PLD5: variants seen among roughly 807,000 people sequenced by gnomAD.
PLD5 encodes inactive phospholipase D5.
A neutral mutation model predicts 61.1 loss-of-function variants in PLD5; 36 were observed. The observed-to-expected ratio is 0.59, with a 90% CI of 0.45 to 0.78. The LOEUF (loss-of-function observed/expected upper bound fraction) is 0.78. Among genes scored for constraint, PLD5 ranks in the 30% least tolerant of loss-of-function variants. The pLI is 0.00. For synonymous variants in PLD5, 243 were observed against 242.8 expected, an observed-to-expected ratio of 1.00 and a Z score of -0.01; for missense variants, 515 against 644.4, an observed-to-expected ratio of 0.80 and a Z score of 2.17.
At chr1:242,518,887 G>A (rs533739930) in intron 1 of PLD5, among the ~76,000 whole-genome samples, 4 of 152,108 alleles carry the variant, frequency 2.6e-5, no homozygotes, top group Non-Finnish European at 5.9e-5. Flanking sequence ...GATATATGTC[G>A]ACTGTAGTGG....
At chr1:242,204,175 G>A (rs1332515957) in intron 5 of PLD5, among the ~76,000 whole-genome samples, 1 of 151,402 alleles carries the variant, frequency 6.6e-6, no homozygotes, top group Non-Finnish European at 1.5e-5. Context: ...CCCAGGAGGC[G>A]AAGCTTGCAG....
At chr1:242,280,434 AT>A (rs1674656580) in intron 3 of PLD5, among the ~76,000 whole-genome samples, 1 of 151,248 alleles carries the variant, frequency 6.6e-6, no homozygotes. Flanking sequence ...GCTTTCATTA[AT>A]TTATACGTGT....
At chr1:242,394,248 G>A (rs1181792518) in intron 1 of PLD5, among the ~76,000 whole-genome samples, 1 of 93,910 alleles carries the variant, frequency 1.1e-5, no homozygotes, top group Non-Finnish European at 2.0e-5. Flanking sequence ...GTATATATAT[G>A]TGTATATATA....
At chr1:242,109,256 T>C (rs984183421) in intron 7 of PLD5, among the ~76,000 whole-genome samples, 3 of 152,188 alleles carry the variant, frequency 2.0e-5, no homozygotes, top group African/African-American at 7.2e-5. Context: ...AGGCGGTGGA[T>C]CACTTGAGGT....
intron 3 of PLD5, among the ~76,000 whole-genome samples, chr1:242,278,631 G>A (rs1574656450): frequency 6.6e-6 from 1 of 152,150 alleles, no homozygotes; most frequent in East Asian, 1.9e-4. Context: ...TTTGCTGAGA[G>A]CACCCCTCAG....
At chr1:242,340,965 C>A (rs1039635044) in intron 2 of PLD5, among the ~76,000 whole-genome samples, 1 of 151,744 alleles carries the variant, frequency 6.6e-6, no homozygotes, top group South Asian at 2.1e-4. Context: ...TACCCTTGGA[C>A]GACAATATAA....
intron 2 of PLD5, among the ~76,000 whole-genome samples, chr1:242,296,869 G>C (rs181872782): frequency 9.3e-4 from 142 of 152,200 alleles, no homozygotes; most frequent in Middle Eastern, 3.4e-3. Context: ...ACAGGTGTAC[G>C]CCACTAGGCC....
At chr1:242,187,359 TC>T (rs1667973887) in intron 5 of PLD5, among the ~76,000 whole-genome samples, 1 of 152,208 alleles carries the variant, frequency 6.6e-6, no homozygotes, top group Non-Finnish European at 1.5e-5. Context: ...CTTGGTCGTT[TC>T]CTTGAGTCAT....
chr1:242,228,466 C>A (rs1375111639), intron 4 of PLD5, among the ~76,000 whole-genome samples: 3 of 152,144 alleles, frequency 2.0e-5, no homozygotes, highest in Non-Finnish European at 1.5e-5. Flanking sequence ...CTGATTGGAC[C>A]AAATGTGGGC....
At chr1:242,399,296 G>C (rs991294808) in intron 1 of PLD5, among the ~76,000 whole-genome samples, 1 of 152,098 alleles carries the variant, frequency 6.6e-6, no homozygotes, top group African/African-American at 2.4e-5. Flanking sequence ...TGAGTAGAGA[G>C]AATTTATATA....
At chr1:242,334,522 C>T (rs888680638) in intron 2 of PLD5, among the ~76,000 whole-genome samples, 17 of 152,176 alleles carry the variant, frequency 1.1e-4, no homozygotes, top group African/African-American at 3.6e-4. Context: ...TGTTGGACAA[C>T]GTAGCAGACA....
chr1:242,490,506 C>G (rs1668110762), intron 1 of PLD5, among the ~76,000 whole-genome samples: 2 of 152,296 alleles, frequency 1.3e-5, no homozygotes, highest in Admixed American at 6.5e-5. Flanking sequence ...CGGTTTTGTT[C>G]AGTTACACAT....
chr1:242,174,800 C>CA (rs1244049719), intron 5 of PLD5, among the ~76,000 whole-genome samples: 6 of 151,710 alleles, frequency 4.0e-5, no homozygotes, highest in African/African-American at 1.5e-4. Flanking sequence ...ATCACAAGGA[C>CA]AAAAAACCAA....
At chr1:242,267,446 C>T (rs934123377) in intron 3 of PLD5, among the ~76,000 whole-genome samples, 3 of 152,048 alleles carry the variant, frequency 2.0e-5, no homozygotes, top group South Asian at 2.1e-4. Flanking sequence ...TTTAAACAAG[C>T]GTAGAAATAA....
chr1:242,283,528 T>A (rs1234367762), intron 3 of PLD5, among the ~76,000 whole-genome samples: 1 of 152,264 alleles, frequency 6.6e-6, no homozygotes, highest in African/African-American at 2.4e-5. Context: ...ATTTGACTAT[T>A]GTCCCCCAAC....
At chr1:242,468,895 G>A (rs1667357292) in intron 1 of PLD5, among the ~76,000 whole-genome samples, 1 of 152,018 alleles carries the variant, frequency 6.6e-6, no homozygotes, top group African/African-American at 2.4e-5. Flanking sequence ...TATAAGATAG[G>A]TACTATTTCT....
At chr1:242,465,063 G>T (rs59304924) in intron 1 of PLD5, among the ~76,000 whole-genome samples, 108 of 152,208 alleles carry the variant, frequency 7.1e-4, no homozygotes, top group African/African-American at 2.5e-3. Flanking sequence ...AAATGTTTTA[G>T]AACTAAATAG....
At chr1:242,333,170 A>C (rs555998840) in intron 2 of PLD5, among the ~76,000 whole-genome samples, 1 of 152,196 alleles carries the variant, frequency 6.6e-6, no homozygotes, top group Non-Finnish European at 1.5e-5. Flanking sequence ...TTCAGGCAGC[A>C]GGGGACTTGA....
intron 2 of PLD5, among the ~76,000 whole-genome samples, chr1:242,325,954 A>G (rs1286896652): frequency 6.6e-6 from 1 of 151,978 alleles, no homozygotes; most frequent in African/African-American, 2.4e-5. Context: ...GTGGTGCCAT[A>G]TTACCTCACT....
Sources: gnomAD v4.1 joint callset for allele counts (sites outside exome capture counted in the v4.1 genomes callset) on GRCh38, gnomAD v4.1.1 for gene constraint, MANE v1.5 for transcripts, NCBI Gene and HGNC (gene_info 2026-07-23, HGNC 2026-07-21) for gene names.